The following HS3ST4 variants were observed in gnomAD, a reference collection of about 807,000 sequenced individuals.
HS3ST4 encodes the protein heparan sulfate-glucosamine 3-sulfotransferase 4, also known as heparan sulfate glucosamine 3-O-sulfotransferase 4.
Under a neutral mutation model 29.2 loss-of-function variants are expected in HS3ST4, and 17 were observed. The ratio of observed to expected loss-of-function variants is 0.58; its 90% CI spans 0.40 to 0.87. HS3ST4 has a LOEUF of 0.87. HS3ST4 is among the 40% of genes least tolerant of loss of function. HS3ST4 has a pLI of 0.00. For synonymous variants in HS3ST4, 314 were observed against 285.7 expected (o/e 1.10, Z -1.00); for missense variants, 627 against 634.5 (o/e 0.99, Z 0.13).
At chr16:25,976,496 C>T (rs1247597823) in intron 1 of HS3ST4, among the ~76,000 whole-genome samples, 1 of 152,116 alleles carries the variant, frequency 6.6e-6, no homozygotes, top group African/African-American at 2.4e-5. Flanking sequence ...CTGTCCCCAT[C>T]ATGGAATCTT....
chr16:26,049,008 T>C (rs1371498999), intron 1 of HS3ST4, among the ~76,000 whole-genome samples: 1 of 152,138 alleles, frequency 6.6e-6, no homozygotes, highest in East Asian at 1.9e-4. Context: ...TGAGAAATAA[T>C]GATATCTAGC....
intron 1 of HS3ST4, among the ~76,000 whole-genome samples, chr16:25,854,991 G>A (rs541603980): frequency 2.0e-5 from 3 of 152,176 alleles, no homozygotes; most frequent in Admixed American, 6.5e-5. Context: ...TATATTTTGG[G>A]GAGATAGAAA....
At chr16:25,751,355 T>C (rs1966718778) in intron 1 of HS3ST4, among the ~76,000 whole-genome samples, 1 of 152,166 alleles carries the variant, frequency 6.6e-6, no homozygotes, top group South Asian at 2.1e-4. Flanking sequence ...ATGGAGATGC[T>C]CTTTCACTAT....
intron 1 of HS3ST4, among the ~76,000 whole-genome samples, chr16:25,827,189 T>C (rs1967226487): frequency 6.6e-6 from 1 of 152,182 alleles, no homozygotes; most frequent in African/African-American, 2.4e-5. Flanking sequence ...AGACTCTTTC[T>C]TGGAGCCATT....
intron 1 of HS3ST4, among the ~76,000 whole-genome samples, chr16:25,710,729 C>G (rs1007206387): frequency 6.7e-6 from 1 of 148,700 alleles, no homozygotes; most frequent in East Asian, 2.0e-4. Context: ...CAGAAAAAGG[C>G]AAAATTTAAA....
intron 1 of HS3ST4, chr16:25,886,857 CT>C (rs1967959507): frequency 6.6e-6 from 1 of 152,218 alleles, no homozygotes; most frequent in Non-Finnish European, 1.5e-5. Flanking sequence ...GTGCTTCTGA[CT>C]TTCAGTTTCA....
chr16:25,978,927 GTTCT>G (rs1402225706), intron 1 of HS3ST4, among the ~76,000 whole-genome samples: 76 of 138,170 alleles, frequency 5.5e-4, no homozygotes, highest in African/African-American at 2.0e-3. Context: ...TCTTTGACTT[GTTCT>G]TTCTCTTTTT....
At chr16:25,853,168 T>G (rs2141650604) in intron 1 of HS3ST4, among the ~76,000 whole-genome samples, 1 of 152,320 alleles carries the variant, frequency 6.6e-6, no homozygotes. Context: ...AATTGTTTTC[T>G]TAATTTCTTT....
At chr16:25,775,087 G>C (rs895125348) in intron 1 of HS3ST4, among the ~76,000 whole-genome samples, 5 of 152,190 alleles carry the variant, frequency 3.3e-5, no homozygotes, top group Non-Finnish European at 5.9e-5. Context: ...TATAGTTCGT[G>C]AACTGGCAGA....
intron 1 of HS3ST4, among the ~76,000 whole-genome samples, chr16:25,905,042 G>A (rs923823579): frequency 2.6e-5 from 4 of 152,084 alleles, no homozygotes; most frequent in African/African-American, 7.2e-5. Flanking sequence ...TTGATTTGAC[G>A]GAGGCATGGG....
At chr16:25,874,713 C>A (rs1967811434) in intron 1 of HS3ST4, among the ~76,000 whole-genome samples, 1 of 152,044 alleles carries the variant, frequency 6.6e-6, no homozygotes, top group Non-Finnish European at 1.5e-5. Context: ...TAGATTGTTC[C>A]AAGTAGCTAG....
At chr16:25,976,441 G>A (rs1427678150) in intron 1 of HS3ST4, among the ~76,000 whole-genome samples, 1 of 152,136 alleles carries the variant, frequency 6.6e-6, no homozygotes, top group Non-Finnish European at 1.5e-5. Flanking sequence ...TAGTAGCTGG[G>A]ACTACAGATG....
At chr16:25,963,093 A>T (rs150388484) in intron 1 of HS3ST4, among the ~76,000 whole-genome samples, 109 of 152,296 alleles carry the variant, frequency 7.2e-4, no homozygotes, top group African/African-American at 2.5e-3. Flanking sequence ...CCAGTCTAGA[A>T]AGCAATGGTG....
At chr16:25,833,702 G>A (rs1438068819) in intron 1 of HS3ST4, among the ~76,000 whole-genome samples, 3 of 152,174 alleles carry the variant, frequency 2.0e-5, no homozygotes, top group Non-Finnish European at 4.4e-5. Flanking sequence ...CTTCTCTGAT[G>A]CCGTGGACAG....
At chr16:25,889,798 G>A (rs1384535540) in intron 1 of HS3ST4, among the ~76,000 whole-genome samples, 3 of 152,008 alleles carry the variant, frequency 2.0e-5, no homozygotes, top group South Asian at 4.2e-4. Flanking sequence ...GGAGGGGCTC[G>A]GTAGGAGGTA....
intron 1 of HS3ST4, among the ~76,000 whole-genome samples, chr16:25,883,213 C>T (rs192108715): frequency 1.3e-4 from 19 of 146,984 alleles, no homozygotes; most frequent in South Asian, 4.4e-4. Context: ...TATTTTTCTA[C>T]GCCTATTAGT....
Position 25,894,435 on chromosome 16 carries a change from C to T in HS3ST4, c.734+201284C>T, listed in dbSNP as rs190827614. 5.4e-3 allele frequency among the ~76,000 whole-genome samples: 813 copies of T among 151,886 alleles called. 5 individuals are homozygous for T. Among genetic ancestry groups the T allele is most frequent in the Non-Finnish European group, 8.5e-3 (581 of 67,960 alleles). On this transcript the variant is annotated intron_variant, in intron 1 of 1. Coordinates refer to ENST00000331351, the MANE Select transcript of HS3ST4 (RefSeq NM_006040.3). ...GGGAAGTTGCTAGGAGGAAAATATCCCCCGGCCCCTCTGGGATTTCTGTAA... is the reference window on the plus strand; with the variant it reads ...GGGAAGTTGCTAGGAGGAAAATATCTCCCGGCCCCTCTGGGATTTCTGTAA...
rs541716839 is a variant in HS3ST4, at chr16:26,047,648, G to A, written c.735-87964G>A. ...AAGGCAGAATGCAAGCCGTGATCTC[G>A]TCTCCAAAGCCCTGTTTTCTCAGCT... On this transcript the variant is annotated intron_variant, in intron 1 of 1. Coordinates refer to ENST00000331351, the MANE Select transcript of HS3ST4 (RefSeq NM_006040.3). 5.9e-5 allele frequency among the ~76,000 whole-genome samples: 9 copies of A among 152,252 alleles called. No homozygotes were observed. In the East Asian group the frequency reaches 1.7e-3, roughly 29 times the overall value.
intron 1 of HS3ST4, among the ~76,000 whole-genome samples, chr16:25,958,825 G>C (rs1457581860): frequency 6.6e-6 from 1 of 152,164 alleles, no homozygotes. Context: ...CAGCATGCTG[G>C]TTTCAGGGTC....
Sources: allele counts gnomAD v4.1 joint callset (sites outside exome capture counted in the v4.1 genomes callset), GRCh38; gene constraint gnomAD v4.1.1; transcripts MANE v1.5; gene names NCBI Gene and HGNC (gene_info 2026-07-23, HGNC 2026-07-21).